HS6ST3: variants seen among roughly 807,000 people sequenced by gnomAD.
HS6ST3 encodes heparan-sulfate 6-O-sulfotransferase 3.
Under a neutral mutation model 36.7 loss-of-function variants are expected in HS6ST3, and 12 were observed. That is an observed-to-expected ratio of 0.33 (90% confidence interval 0.21 to 0.53). HS6ST3 has a LOEUF of 0.53. Ranked by LOEUF, HS6ST3 falls within the 20% of genes least tolerant of loss-of-function variation. The probability of loss-of-function intolerance (pLI) is 0.95; values close to 1 mark genes in which losing one functional copy is unlikely to be tolerated. For missense variants in HS6ST3, 584 were observed against 640.9 expected (o/e 0.91, Z 0.96); for synonymous variants, 240 against 257.5 (o/e 0.93, Z 0.65).
chr13:96,301,818 T>G (rs2054883933), intron 1 of HS6ST3, among the ~76,000 whole-genome samples: 1 of 150,860 alleles, frequency 6.6e-6, no homozygotes, highest in Admixed American at 6.6e-5. Flanking sequence ...GGAGAATTGC[T>G]TGAACCCAGG....
chr13:96,826,996 A>G (rs1471830382), intron 1 of HS6ST3, among the ~76,000 whole-genome samples: 3 of 152,188 alleles, frequency 2.0e-5, no homozygotes, highest in Admixed American at 1.3e-4. Flanking sequence ...CAAGCCCTCA[A>G]TGAAGTAGGT....
intron 1 of HS6ST3, among the ~76,000 whole-genome samples, chr13:96,368,303 A>C (rs1266700679): frequency 1.3e-5 from 2 of 152,158 alleles, no homozygotes; most frequent in Non-Finnish European, 2.9e-5. Context: ...ATATAACAAA[A>C]ATTTCAGGAA....
chr13:96,679,396 C>G (rs2056710544), intron 1 of HS6ST3, among the ~76,000 whole-genome samples: 1 of 151,914 alleles, frequency 6.6e-6, no homozygotes, highest in Non-Finnish European at 1.5e-5. Flanking sequence ...TTGCCTCACC[C>G]CAAGAGACTG....
intron 1 of HS6ST3, among the ~76,000 whole-genome samples, chr13:96,623,277 G>A (rs565537785): frequency 1.6e-4 from 24 of 152,226 alleles, no homozygotes; most frequent in South Asian, 1.5e-3. Flanking sequence ...ATATATTCTC[G>A]AGGAAACGTT....
chr13:96,496,898 C>T (rs2055979716), intron 1 of HS6ST3, among the ~76,000 whole-genome samples: 1 of 152,108 alleles, frequency 6.6e-6, no homozygotes, highest in Non-Finnish European at 1.5e-5. Context: ...CCAGACATAA[C>T]CATCATTTAG....
chr13:96,183,900 C>T (rs574780481), intron 1 of HS6ST3, among the ~76,000 whole-genome samples: 33 of 152,110 alleles, frequency 2.2e-4, no homozygotes, highest in African/African-American at 7.2e-4. Context: ...GAATTTTTTA[C>T]ACTTAGAAAC....
At chr13:96,483,255 G>A (rs563526014) in intron 1 of HS6ST3, among the ~76,000 whole-genome samples, 1 of 152,292 alleles carries the variant, frequency 6.6e-6, no homozygotes, top group East Asian at 1.9e-4. Context: ...TGAGAAGTGA[G>A]CAGGGGTTCC....
chr13:96,301,168 A>G (rs2139403629), intron 1 of HS6ST3, among the ~76,000 whole-genome samples: 1 of 152,322 alleles, frequency 6.6e-6, no homozygotes, highest in East Asian at 1.9e-4. Context: ...ATATATTTTG[A>G]TATATTTCTT....
At chr13:96,403,198 T>C (rs899173379) in intron 1 of HS6ST3, among the ~76,000 whole-genome samples, 7 of 152,218 alleles carry the variant, frequency 4.6e-5, no homozygotes, top group African/African-American at 1.7e-4. Flanking sequence ...TTGTGAAGTG[T>C]CGGTTCATCT....
At chr13:96,281,339 T>C (rs1282675159) in intron 1 of HS6ST3, among the ~76,000 whole-genome samples, 1 of 152,186 alleles carries the variant, frequency 6.6e-6, no homozygotes, top group African/African-American at 2.4e-5. Flanking sequence ...TTGATTGCTT[T>C]GAGCTCTGTA....
At chr13:96,513,739 T>A (rs2138921722) in intron 1 of HS6ST3, among the ~76,000 whole-genome samples, 1 of 152,214 alleles carries the variant, frequency 6.6e-6, no homozygotes, top group Admixed American at 6.5e-5. Flanking sequence ...GTGATTTCAT[T>A]ATGCACCATC....
chr13:96,636,983 G>A (rs955012356), intron 1 of HS6ST3, among the ~76,000 whole-genome samples: 2 of 151,496 alleles, frequency 1.3e-5, no homozygotes, highest in Middle Eastern at 3.4e-3. Context: ...AACCACATAG[G>A]TTATGAACAA....
rs139884262 is a variant in HS6ST3, at chr13:96,555,591, C to A, written c.708-276899C>A. Among the ~76,000 whole-genome samples the A allele has an allele frequency of 1.6e-4, 25 of 152,266 alleles. No individual in the cohort carries two copies. The East Asian group carries it at 4.1e-3, about 25-fold the overall frequency. On this transcript the variant is annotated intron_variant, in intron 1 of 1. Coordinates refer to ENST00000376705, the MANE Select transcript of HS6ST3 (RefSeq NM_153456.4). The stretch of plus-strand genomic sequence containing the variant: ...ATTTGGTATTATCAGGGCTTGTCTA[C>A]AACATGCTCTTGTTGTTAGCAAACA...
intron 1 of HS6ST3, among the ~76,000 whole-genome samples, chr13:96,642,065 C>A (rs1461510439): frequency 6.6e-6 from 1 of 151,646 alleles, no homozygotes; most frequent in Non-Finnish European, 1.5e-5. Flanking sequence ...TCTTATAGAT[C>A]ATGAAAGAAA....
At chr13:96,712,893 G>T (rs768572452) in intron 1 of HS6ST3, among the ~76,000 whole-genome samples, 1 of 152,126 alleles carries the variant, frequency 6.6e-6, no homozygotes, top group Non-Finnish European at 1.5e-5. Context: ...AGAAACCAAG[G>T]CCTGTGCAAA....
intron 1 of HS6ST3, among the ~76,000 whole-genome samples, chr13:96,401,943 C>A (rs75162572): frequency 1.1e-3 from 160 of 152,242 alleles, no homozygotes; most frequent in African/African-American, 3.6e-3. Context: ...GCTCATCAAT[C>A]CAAATTATGA....
intron 1 of HS6ST3, among the ~76,000 whole-genome samples, chr13:96,488,867 A>C (rs2055930180): frequency 6.6e-6 from 1 of 152,108 alleles, no homozygotes; most frequent in South Asian, 2.1e-4. Context: ...CACTCACCAC[A>C]AAATTTTGAG....
chr13:96,520,448 T>C (rs2138926528), intron 1 of HS6ST3, among the ~76,000 whole-genome samples: 1 of 152,336 alleles, frequency 6.6e-6, no homozygotes, highest in South Asian at 2.1e-4. Context: ...CTTTGGGCAG[T>C]AAGGCCATTT....
chr13:96,480,307 T>G (rs1347398081), intron 1 of HS6ST3, among the ~76,000 whole-genome samples: 1 of 152,122 alleles, frequency 6.6e-6, no homozygotes, highest in Non-Finnish European at 1.5e-5. Flanking sequence ...AGAGATGCGG[T>G]TTCACCATGT....
Sources: gnomAD v4.1 joint callset for allele counts (sites outside exome capture counted in the v4.1 genomes callset) on GRCh38, gnomAD v4.1.1 for gene constraint, MANE v1.5 for transcripts, NCBI Gene and HGNC (gene_info 2026-07-23, HGNC 2026-07-21) for gene names.